The following GPR158 variants were observed in gnomAD, a reference collection of about 807,000 sequenced individuals.
The protein encoded by GPR158 is G protein-coupled receptor 158.
In GPR158, 30 loss-of-function variants were observed where a neutral mutation model predicts 78.2. The ratio of observed to expected loss-of-function variants is 0.38; its 90% CI spans 0.29 to 0.52. GPR158 has a LOEUF of 0.52. Ranked by LOEUF, GPR158 falls within the 20% of genes least tolerant of loss-of-function variation. The pLI, the probability that GPR158 is intolerant of heterozygous loss-of-function variation, is 0.83. For missense variants in GPR158, 1,463 were observed against 1,523.5 expected, an observed-to-expected ratio of 0.96 and a Z score of 0.66; for synonymous variants, 581 against 591.1, an observed-to-expected ratio of 0.98 and a Z score of 0.25.
Position 25,572,631 on chromosome 10 carries a change from GA to G in GPR158, c.1515-16del. The stretch of plus-strand genomic sequence containing the variant: ...GAATGTTAGGTTTGCTTTCACATTT[GA>G]ACTTTTGCTTTTCTAGGGTTTTGAA... On this transcript the variant is annotated splice_polypyrimidine_tract_variant and intron_variant, in intron 6 of 10. Transcript: ENST00000376351. 6.7e-7 allele frequency: 1 copy of G among 1,483,888 alleles called. No homozygotes were observed. The highest frequency in any genetic ancestry group is 9.4e-7 in the Non-Finnish European group (1 of 1,061,324). 91.9% of individuals were successfully genotyped at this position (1,483,888 alleles called of 1,614,324 possible).
At chr10:25,353,963 C>A (rs1855511825) in intron 2 of GPR158, among the ~76,000 whole-genome samples, 1 of 152,024 alleles carries the variant, frequency 6.6e-6, no homozygotes, top group African/African-American at 2.4e-5. Flanking sequence ...GGTAGTATGT[C>A]TTCATTTCTT....
intron 4 of GPR158, among the ~76,000 whole-genome samples, chr10:25,433,897 C>G (rs112731157): frequency 6.6e-6 from 1 of 151,734 alleles, no homozygotes; most frequent in Non-Finnish European, 1.5e-5. Flanking sequence ...CGGTGGCTCA[C>G]GCCTGTAATC....
intron 2 of GPR158, among the ~76,000 whole-genome samples, chr10:25,369,998 G>T (rs1373427276): frequency 2.8e-5 from 4 of 145,436 alleles, no homozygotes; most frequent in Non-Finnish European, 6.2e-5. Flanking sequence ...GTATTTCTGT[G>T]GGATCGGTGG....
At chr10:25,252,422 GT>G (rs1302760601) in intron 2 of GPR158, among the ~76,000 whole-genome samples, 1 of 152,098 alleles carries the variant, frequency 6.6e-6, no homozygotes, top group Non-Finnish European at 1.5e-5. Flanking sequence ...TTTCTGTTCT[GT>G]TTTTTCCCCA....
At chr10:25,561,696 G>A (rs983548832) in intron 6 of GPR158, among the ~76,000 whole-genome samples, 1 of 145,698 alleles carries the variant, frequency 6.9e-6, no homozygotes, top group African/African-American at 2.5e-5. Context: ...AGTGGTTTAG[G>A]GAACAGGTGT....
chr10:25,285,864 T>C (rs756646728), intron 2 of GPR158, among the ~76,000 whole-genome samples: 9 of 152,198 alleles, frequency 5.9e-5, no homozygotes, highest in Non-Finnish European at 8.8e-5. Flanking sequence ...AAGTCTTAGA[T>C]TCTCCTTTAA....
At chr10:25,210,544 AT>A (rs34283056) in intron 1 of GPR158, among the ~76,000 whole-genome samples, 2 of 151,190 alleles carry the variant, frequency 1.3e-5, no homozygotes, top group Non-Finnish European at 1.5e-5. Context: ...CTTTCTAAAT[AT>A]TTTTTTTTGC....
At chr10:25,418,937 G>C (rs1834706408) in intron 4 of GPR158, among the ~76,000 whole-genome samples, 1 of 151,228 alleles carries the variant, frequency 6.6e-6, no homozygotes, top group Admixed American at 6.6e-5. Context: ...TAATAACAAT[G>C]CTAATTTTTT....
chr10:25,381,356 T>C (rs934407467), intron 2 of GPR158, among the ~76,000 whole-genome samples: 4 of 152,088 alleles, frequency 2.6e-5, no homozygotes, highest in Non-Finnish European at 4.4e-5. Flanking sequence ...ATGGAGATAA[T>C]GAGCATAGAT....
intron 2 of GPR158, among the ~76,000 whole-genome samples, chr10:25,277,829 G>C (rs1289318821): frequency 6.6e-6 from 1 of 152,190 alleles, no homozygotes; most frequent in East Asian, 1.9e-4. Context: ...TCTGGTTTTA[G>C]GGAAGAGACA....
intron 2 of GPR158, among the ~76,000 whole-genome samples, chr10:25,335,763 T>C (rs1855190072): frequency 6.6e-6 from 1 of 152,068 alleles, no homozygotes; most frequent in Non-Finnish European, 1.5e-5. Context: ...TGCCATTTTA[T>C]AGTAAAAAAC....
chr10:25,317,716 G>GTTTT lies in GPR158; in HGVS notation c.1009-78189_1009-78186dup, dbSNP rs756759445. On this transcript the variant is annotated intron_variant, in intron 2 of 10. Coordinates refer to ENST00000376351, the MANE Select transcript of GPR158 (RefSeq NM_020752.3). ...TTAAATTCTGTTTTCTTCGTAAAGTGTTTTTTTTTGTTTTGTTTTGTTTTG... is the reference window on the plus strand; with the variant it reads ...TTAAATTCTGTTTTCTTCGTAAAGTGTTTTTTTTTTTTTGTTTTGTTTTGTTTTG... 5.4e-4 allele frequency among the ~76,000 whole-genome samples: 72 copies of GTTTT among 134,006 alleles called. 2 individuals carry two copies. The highest frequency in any genetic ancestry group is 1.7e-3 in the South Asian group (7 of 4,138). 87.9% of individuals were successfully genotyped at this position (134,006 alleles called of 152,430 possible).
intron 5 of GPR158, among the ~76,000 whole-genome samples, chr10:25,523,046 C>T (rs1201939110): frequency 1.3e-5 from 2 of 152,058 alleles, no homozygotes; most frequent in Non-Finnish European, 2.9e-5. Flanking sequence ...GGCAACAAGC[C>T]GAAATGGAAG....
intron 5 of GPR158, among the ~76,000 whole-genome samples, chr10:25,504,607 T>G (rs1158348640): frequency 6.6e-6 from 1 of 152,112 alleles, no homozygotes; most frequent in Non-Finnish European, 1.5e-5. Flanking sequence ...TCCCACTGGG[T>G]CTACTTTCCC....
intron 2 of GPR158, among the ~76,000 whole-genome samples, chr10:25,339,360 A>C (rs1163291501): frequency 6.6e-6 from 1 of 152,074 alleles, no homozygotes; most frequent in East Asian, 1.9e-4. Flanking sequence ...GCTTGTTGTT[A>C]GTATACAAAA....
chr10:25,519,336 G>T (rs1836226337), intron 5 of GPR158, among the ~76,000 whole-genome samples: 1 of 142,320 alleles, frequency 7.0e-6, no homozygotes, highest in South Asian at 2.2e-4. Flanking sequence ...CAATTTGCCA[G>T]TCTGTGTCTT....
intron 5 of GPR158, among the ~76,000 whole-genome samples, chr10:25,538,299 T>G (rs898686475): frequency 1.3e-5 from 2 of 152,168 alleles, no homozygotes; most frequent in African/African-American, 2.4e-5. Flanking sequence ...TAAATTATAC[T>G]TTAAGTTCTA....
intron 5 of GPR158, 130 bp from the exon 6 acceptor site, chr10:25,550,846 A>T (rs1836716970): frequency 1.6e-6 from 1 of 629,990 alleles, no homozygotes; most frequent in African/African-American, 1.8e-5. Flanking sequence ...TCAAAATAGT[A>T]TTTTAAAGAA....
intron 2 of GPR158, among the ~76,000 whole-genome samples, chr10:25,276,967 A>G (rs1854192537): frequency 6.6e-6 from 1 of 150,508 alleles, no homozygotes; most frequent in South Asian, 2.1e-4. Flanking sequence ...TTTTTTTATA[A>G]TAGACAGGGT....
Sources: gnomAD v4.1 joint callset for allele counts (sites outside exome capture counted in the v4.1 genomes callset) on GRCh38, gnomAD v4.1.1 for gene constraint, MANE v1.5 for transcripts, NCBI Gene and HGNC (gene_info 2026-07-23, HGNC 2026-07-21) for gene names.